LHFPL3: variants seen among roughly 807,000 people sequenced by gnomAD.
The protein encoded by LHFPL3 is LHFPL tetraspan subfamily member 3 protein.
A neutral mutation model predicts 19.3 loss-of-function variants in LHFPL3; 5 were observed. The ratio of observed to expected loss-of-function variants is 0.26; its 90% CI spans 0.14 to 0.54. The LOEUF (loss-of-function observed/expected upper bound fraction) is 0.54, where lower values mean the gene tolerates loss of function less well. Among genes scored for constraint, LHFPL3 ranks in the 20% least tolerant of loss-of-function variants. The probability of loss-of-function intolerance (pLI) is 0.94; values close to 1 mark genes in which losing one functional copy is unlikely to be tolerated. For missense variants in LHFPL3, 249 were observed against 307.4 expected, an observed-to-expected ratio of 0.81 and a Z score of 1.42; for synonymous variants, 133 against 126.2, an observed-to-expected ratio of 1.05 and a Z score of -0.36.
intron 1 of LHFPL3, among the ~76,000 whole-genome samples, chr7:104,341,902 A>AG (rs1789962150): frequency 1.3e-5 from 2 of 151,944 alleles, no homozygotes; most frequent in African/African-American, 4.8e-5. Flanking sequence ...AAAAGAATAA[A>AG]AAAAAGGATT....
chr7:104,349,724 T>A (rs1459692747), intron 1 of LHFPL3, among the ~76,000 whole-genome samples: 1 of 152,232 alleles, frequency 6.6e-6, no homozygotes, highest in Non-Finnish European at 1.5e-5. Context: ...AGTATAATTT[T>A]AAAAAAGTAA....
At chr7:104,385,631 C>T (rs945478819) in intron 1 of LHFPL3, among the ~76,000 whole-genome samples, 2 of 152,096 alleles carry the variant, frequency 1.3e-5, no homozygotes, top group Non-Finnish European at 2.9e-5. Flanking sequence ...CATGCATTCA[C>T]TCAGTCAATC....
At chr7:104,382,670 C>G (rs1790851190) in intron 1 of LHFPL3, among the ~76,000 whole-genome samples, 1 of 152,178 alleles carries the variant, frequency 6.6e-6, no homozygotes, top group Non-Finnish European at 1.5e-5. Flanking sequence ...TCTCTGTATG[C>G]CCCATATCTG....
intron 1 of LHFPL3, among the ~76,000 whole-genome samples, chr7:104,581,429 A>G (rs1790459400): frequency 6.6e-6 from 1 of 151,982 alleles, no homozygotes. Flanking sequence ...ATGTTTTGAA[A>G]ATATTTTCTC....
At chr7:104,473,255 A>G (rs747921026) in intron 1 of LHFPL3, among the ~76,000 whole-genome samples, 2 of 152,192 alleles carry the variant, frequency 1.3e-5, no homozygotes, top group Non-Finnish European at 2.9e-5. Context: ...TTCCTCTTCA[A>G]TTTATGGTTG....
At chr7:104,553,562 A>G (rs150545233) in intron 1 of LHFPL3, among the ~76,000 whole-genome samples, 5 of 152,266 alleles carry the variant, frequency 3.3e-5, no homozygotes, top group Non-Finnish European at 7.4e-5. Context: ...GGTCCAGTAA[A>G]TTTAGGAATA....
chr7:104,896,774 A>G (rs1021520468), intron 2 of LHFPL3, among the ~76,000 whole-genome samples: 3 of 152,032 alleles, frequency 2.0e-5, no homozygotes. Flanking sequence ...TATTCAGTAG[A>G]AGGTATCACT....
intron 1 of LHFPL3, among the ~76,000 whole-genome samples, chr7:104,525,791 G>T (rs1301457543): frequency 6.6e-6 from 1 of 152,038 alleles, no homozygotes; most frequent in Non-Finnish European, 1.5e-5. Flanking sequence ...ATTTTTAGTA[G>T]AGACAGAGTT....
chr7:104,492,656 A>T (rs1456897996), intron 1 of LHFPL3, among the ~76,000 whole-genome samples: 2 of 152,228 alleles, frequency 1.3e-5, no homozygotes, highest in African/African-American at 2.4e-5. Flanking sequence ...ATTTTATGAA[A>T]ATTTATTCTG....
chr7:104,786,686 TG>T (rs1173202680), intron 2 of LHFPL3: 2 of 85,680 alleles, frequency 2.3e-5, no homozygotes, highest in Non-Finnish European at 4.8e-5. Flanking sequence ...TGTGTGTGTG[TG>T]GGGTGTGTGT....
At chr7:104,369,729 T>C (rs1282709658) in intron 1 of LHFPL3, among the ~76,000 whole-genome samples, 1 of 152,190 alleles carries the variant, frequency 6.6e-6, no homozygotes, top group Non-Finnish European at 1.5e-5. Context: ...TACTTGTAGG[T>C]TTGCAGTGGT....
intron 1 of LHFPL3, among the ~76,000 whole-genome samples, chr7:104,713,005 A>G (rs1050859993): frequency 6.6e-6 from 1 of 152,234 alleles, no homozygotes; most frequent in Non-Finnish European, 1.5e-5. Context: ...TGGGAAATGT[A>G]TGTTCCTCTT....
intron 1 of LHFPL3, among the ~76,000 whole-genome samples, chr7:104,555,671 C>G (rs1422839642): frequency 6.6e-6 from 1 of 152,158 alleles, no homozygotes; most frequent in Non-Finnish European, 1.5e-5. Context: ...TATTCCACAC[C>G]TGGCTTCCCA....
Position 104,409,164 on chromosome 7 carries a change from C to T in LHFPL3, c.445+79940C>T, listed in dbSNP as rs185316362. ...ATGCTGGGATTAGAGGCGTGAGCCA[C>T]GGCGCCCGGCCTAGTGTTGTAATTT... On this transcript the variant is annotated intron_variant, in intron 1 of 2. Coordinates refer to ENST00000424859, the MANE Select transcript of LHFPL3 (RefSeq NM_199000.3). 4.7e-4 allele frequency among the ~76,000 whole-genome samples: 71 copies of T among 151,986 alleles called. 2 individuals are homozygous for T. In the East Asian group the frequency reaches 0.012, roughly 26 times the overall value.
chr7:104,674,420 G>A (rs1261915444), intron 1 of LHFPL3, among the ~76,000 whole-genome samples: 1 of 147,798 alleles, frequency 6.8e-6, no homozygotes, highest in Non-Finnish European at 1.5e-5. Flanking sequence ...CCAGGCTGGA[G>A]TGCAGTGGCG....
chr7:104,574,144 A>G (rs1790280281), intron 1 of LHFPL3, among the ~76,000 whole-genome samples: 1 of 152,224 alleles, frequency 6.6e-6, no homozygotes, highest in South Asian at 2.1e-4. Flanking sequence ...TAGGTGTCAT[A>G]TCAAGTGAAT....
At chr7:104,355,731 C>T (rs1348560186) in intron 1 of LHFPL3, among the ~76,000 whole-genome samples, 8 of 152,210 alleles carry the variant, frequency 5.3e-5, no homozygotes, top group Admixed American at 5.2e-4. Context: ...CAGACTCATT[C>T]TCAAAAGTAA....
At chr7:104,849,208 G>T (rs375642940) in intron 2 of LHFPL3, among the ~76,000 whole-genome samples, 1 of 152,204 alleles carries the variant, frequency 6.6e-6, no homozygotes, top group African/African-American at 2.4e-5. Flanking sequence ...TGGGATTACA[G>T]GTGTGAGCCA....
chr7:104,797,027 G>T (rs1283141619), intron 2 of LHFPL3: 2 of 152,570 alleles, frequency 1.3e-5, no homozygotes, highest in Admixed American at 1.3e-4. Context: ...ATTGTATCTC[G>T]TCTTCTTTCC....
Sources: allele counts gnomAD v4.1 joint callset (sites outside exome capture counted in the v4.1 genomes callset), GRCh38; gene constraint gnomAD v4.1.1; transcripts MANE v1.5; gene names NCBI Gene and HGNC (gene_info 2026-07-23, HGNC 2026-07-21).